POLR3E: variants seen among roughly 807,000 people sequenced by gnomAD.
POLR3E encodes the protein RNA polymerase III subunit E, also known as DNA-directed RNA polymerase III subunit RPC5.
A neutral mutation model predicts 96.6 loss-of-function variants in POLR3E; 41 were observed. The observed-to-expected ratio is 0.42, with a 90% CI of 0.33 to 0.55. POLR3E has a LOEUF of 0.55. Ranked by LOEUF, POLR3E falls within the 20% of genes least tolerant of loss-of-function variation. The probability of loss-of-function intolerance (pLI) is 0.06; values close to 1 mark genes in which losing one functional copy is unlikely to be tolerated. For missense variants in POLR3E, 849 were observed against 952.1 expected (o/e 0.89, Z 1.43); for synonymous variants, 396 against 383.6 (o/e 1.03, Z -0.38).
intron 6 of POLR3E, among the ~76,000 whole-genome samples, chr16:22,312,756 A>G (rs903113200): frequency 6.6e-6 from 1 of 151,222 alleles, no homozygotes; most frequent in African/African-American, 2.4e-5. Flanking sequence ...AGTCCCAGCT[A>G]CTTGGGAGGC....
chr16:22,301,160 G>A (rs767892976), intron 1 of POLR3E, among the ~76,000 whole-genome samples: 4 of 142,270 alleles, frequency 2.8e-5, no homozygotes, highest in African/African-American at 1.0e-4. Flanking sequence ...GGTTATCGGG[G>A]GGGTAGAGCA....
rs200324185 is a variant in POLR3E, at chr16:22,308,217, C to A, written c.157C>A (p.Gln53Lys). 1.2e-5 allele frequency: 20 copies of A among 1,613,170 alleles called. No homozygotes were observed. The highest frequency in any genetic ancestry group is 1.6e-5 in the Non-Finnish European group (19 of 1,179,316). ...PHLSAKIKPK[Q>K]QKVELEMAID... is the part of the protein sequence containing the mutation. ...CCTCTCAGCCAAGATCAAGCCCAAGCAGCAGAAGGTGGGGCTGCCCCCTGA... is the reference window on the plus strand; with the variant it reads ...CCTCTCAGCCAAGATCAAGCCCAAGAAGCAGAAGGTGGGGCTGCCCCCTGA... Residue 53 changes from glutamine (Q) to lysine (K), a missense_variant, in exon 4 of 21, where the codon CAG becomes AAG. Physicochemically the swap from Gln to Lys is moderately conservative, Grantham distance 53. Coordinates refer to ENST00000299853, the MANE Select transcript of POLR3E (RefSeq NM_018119.4).
In POLR3E at chr16:22,326,178, T is replaced by C; in HGVS notation, c.1766T>C (p.Leu589Ser). ...CTCAAGCGCCTCTTCAATCTGCACT[T>C]GGCCAGCCTGCCCCCCGGCCACACA... ...SELKRLFNLH[L>S]ASLPPGHTLF... Residue 589 changes from leucine to serine, a missense_variant, in exon 18 of 21, where the codon TTG becomes TCG. Coordinates refer to ENST00000299853, the MANE Select transcript of POLR3E (RefSeq NM_018119.4). 1 of 1,613,934 alleles carries C rather than the reference T, an allele frequency of 6.2e-7. No individual in the cohort carries two copies. Among genetic ancestry groups the C allele is most frequent in the Non-Finnish European group, 8.5e-7 (1 of 1,179,978 alleles).
intron 15 of POLR3E, 39 bp from the exon 16 acceptor site, chr16:22,324,464 G>C: frequency 6.2e-7 from 1 of 1,610,690 alleles, no homozygotes; most frequent in Non-Finnish European, 8.5e-7. Context: ...GGAGGGGAGG[G>C]GGCTGGCTGT....
intron 19 of POLR3E, chr16:22,329,045 C>T (rs1308834177): frequency 5.4e-6 from 1 of 186,400 alleles, no homozygotes; most frequent in Non-Finnish European, 1.1e-5. Context: ...GAGATTGCAC[C>T]ACTGCACTCC....
At position 22,322,973 on chromosome 16, in the gene POLR3E, G is replaced by T; in HGVS notation, c.1068+42G>T. 7.2e-7 allele frequency: 1 copy of T among 1,385,936 alleles called. No individual in the cohort carries two copies. 85.9% of individuals were successfully genotyped at this position (1,385,936 alleles called of 1,614,324 possible). A position where few individuals can be genotyped will look rare whatever the true frequency, so the allele number is the denominator to read the frequency against. Reference sequence around the variant, plus strand: ...CTCTGGACTCACGGTGGGGGCGTGGGAAGAGGGGGGCAGCGGTGCAGGGCT... The same window carrying T: ...CTCTGGACTCACGGTGGGGGCGTGGTAAGAGGGGGGCAGCGGTGCAGGGCT... On this transcript the variant is annotated intron_variant, in intron 14 of 20. Coordinates refer to ENST00000299853, the MANE Select transcript of POLR3E (RefSeq NM_018119.4). The surrounding 1 kb of genome is among the most constrained non-coding windows in gnomAD (Gnocchi z 5.2).
intron 20 of POLR3E, among the ~76,000 whole-genome samples, chr16:22,332,739 TAA>T (rs2048767138): frequency 6.6e-6 from 1 of 152,058 alleles, no homozygotes; most frequent in Admixed American, 6.6e-5. Context: ...AAATTTAGTT[TAA>T]AAAGGAATAT....
intron 2 of POLR3E, among the ~76,000 whole-genome samples, chr16:22,303,807 A>AT (rs56737281): frequency 0.038 from 4,194 of 110,774 alleles, 435 homozygotes; most frequent in African/African-American, 0.13. Context: ...CGCCCGACTA[A>AT]TTTTTTTTTT....
In POLR3E at chr16:22,318,999, A is replaced by G. The variant is rs2048416356; in HGVS notation, c.986+53A>G. ...TTATTTATTTTTTTCCTTGAGGCAG[A>G]GCTTCACTCTTGTTGCCCAGGCTGG... is the stretch of plus-strand genomic sequence containing the variant. On this transcript the variant is annotated intron_variant, in intron 13 of 20. Coordinates refer to ENST00000299853, the MANE Select transcript of POLR3E (RefSeq NM_018119.4). This position sits in a 1 kb window ranked among gnomAD's most constrained non-coding sequence, Gnocchi z 5.0. The G allele has an allele frequency of 3.7e-6, 5 of 1,364,166 alleles. No homozygotes were observed. Among genetic ancestry groups the G allele is most frequent in the Non-Finnish European group, 5.1e-6 (5 of 989,444 alleles). The allele number at this position is 1,364,166 out of a possible 1,614,324, so 84.5% of individuals were successfully genotyped here. A position where few individuals can be genotyped will look rare whatever the true frequency, so the allele number is the denominator to read the frequency against.
At chr16:22,320,263 G>A (rs2048442194) in intron 13 of POLR3E, among the ~76,000 whole-genome samples, 1 of 151,962 alleles carries the variant, frequency 6.6e-6, no homozygotes, top group Non-Finnish European at 1.5e-5. Context: ...CAGGATTGGT[G>A]TATTTTTATT....
intron 1 of POLR3E, among the ~76,000 whole-genome samples, chr16:22,300,700 G>A (rs1185754431): frequency 6.6e-6 from 1 of 152,194 alleles, no homozygotes; most frequent in East Asian, 1.9e-4. Context: ...GTCCAGATGC[G>A]ACTCCTGATT....
intron 1 of POLR3E, among the ~76,000 whole-genome samples, chr16:22,302,251 A>G (rs1008616060): frequency 1.3e-5 from 2 of 152,192 alleles, no homozygotes. Context: ...GAGGTCAGAC[A>G]GCCTGGATTT....
chr16:22,325,944 A>G lies in POLR3E; in HGVS notation c.1532A>G (p.Glu511Gly), dbSNP rs762493496. Reference protein sequence around the residue: ...PVSEEGEEDEEQEAEEEPMDT... With the variant: ...PVSEEGEEDEGQEAEEEPMDT... ...AGCGAGGAGGGCGAGGAGGACGAGG[A>G]GCAGGAGGCGGAGGAGGAGCCCATG... The change falls in exon 18 of 21, where the codon GAG becomes GGG. Residue 511 changes from glutamate to glycine, a missense_variant. Glu to Gly is a moderately conservative substitution (Grantham distance 98). Transcript: ENST00000299853. The G allele has an allele frequency of 6.3e-7, 1 of 1,593,492 alleles. No individual in the cohort carries two copies. The highest frequency in any genetic ancestry group is 1.1e-5 in the South Asian group (1 of 89,080).
At chr16:22,330,425 T>C (rs1362708449) in intron 19 of POLR3E, among the ~76,000 whole-genome samples, 2 of 152,226 alleles carry the variant, frequency 1.3e-5, no homozygotes, top group African/African-American at 4.8e-5. Context: ...TATAGCATTG[T>C]CACAGAATGA....
chr16:22,313,935 C>A lies in POLR3E; in HGVS notation c.473-144C>A. 1 of 766,716 alleles carries A rather than the reference C, an allele frequency of 1.3e-6. No individual in the cohort carries two copies. The highest frequency in any genetic ancestry group is 2.3e-6 in the Non-Finnish European group (1 of 442,750). The allele number at this position is 766,716 out of a possible 1,614,324, so 47.5% of individuals were successfully genotyped here. A position where few individuals can be genotyped will look rare whatever the true frequency, so the allele number is the denominator to read the frequency against. On this transcript the variant is annotated intron_variant, in intron 7 of 20. Transcript: ENST00000299853. The surrounding 1 kb of genome is among the most constrained non-coding windows in gnomAD (Gnocchi z 4.1). Reference sequence around the variant, plus strand: ...CAGGGTAAAGGGGCAAAACTGTCCCCGATTGAGAACCACTGGCTTAGGCAG... The same window carrying A: ...CAGGGTAAAGGGGCAAAACTGTCCCAGATTGAGAACCACTGGCTTAGGCAG...
chr16:22,325,350 C>G, intron 17 of POLR3E, 84 bp downstream of exon 17: 1 of 1,123,116 alleles, frequency 8.9e-7, no homozygotes. Flanking sequence ...TTGTCAGGCC[C>G]GGACCTGGAG....
intron 3 of POLR3E, among the ~76,000 whole-genome samples, chr16:22,307,539 G>GC (rs2048158640): frequency 6.6e-6 from 1 of 152,204 alleles, no homozygotes; most frequent in Non-Finnish European, 1.5e-5. Flanking sequence ...GTGGACAGGA[G>GC]CCCCTGCGTG....
chr16:22,325,921 C>T lies in POLR3E; in HGVS notation c.1509C>T (p.Ser503=), dbSNP rs1252620536. ...PGVRIKEEPV[S]EEGEEDEEQE... is the part of the protein sequence containing the mutation. The stretch of plus-strand genomic sequence containing the variant: ...TGCGGATCAAGGAGGAGCCCGTGAG[C>T]GAGGAGGGCGAGGAGGACGAGGAGC... The change falls in exon 18 of 21, where the codon AGC becomes AGT. Residue 503 remains serine, a synonymous_variant. Transcript: ENST00000299853. The T allele has an allele frequency of 1.9e-6, 3 of 1,595,330 alleles. No homozygotes were observed. The highest frequency in any genetic ancestry group is 2.6e-6 in the Non-Finnish European group (3 of 1,170,614).
intron 5 of POLR3E, 34 bp from the exon 6 acceptor site, chr16:22,309,394 T>C: frequency 1.3e-6 from 2 of 1,520,112 alleles, no homozygotes; most frequent in South Asian, 1.1e-5. Context: ...CGGAGCTGCC[T>C]TCCCCTGTGA....
Sources: gnomAD v4.1 joint callset for allele counts (sites outside exome capture counted in the v4.1 genomes callset) on GRCh38, gnomAD v4.1.1 for gene constraint, Gnocchi (gnomAD v3.1) non-coding constraint, MANE v1.5 for transcripts, NCBI Gene and HGNC (gene_info 2026-07-23, HGNC 2026-07-21) for gene names.